Variants in SLC39A11 observed in about 807,000 individuals in gnomAD.
The protein encoded by SLC39A11 is zinc transporter ZIP11.
In SLC39A11, 33 loss-of-function variants were observed where a neutral mutation model predicts 36.1. The ratio of observed to expected loss-of-function variants is 0.91; its 90% confidence interval spans 0.69 to 1.22. The LOEUF (loss-of-function observed/expected upper bound fraction) is 1.22. Ranked by LOEUF, SLC39A11 falls within the 50% of genes most tolerant of loss-of-function variation. The pLI is 0.00. For missense variants in SLC39A11, 432 were observed against 430.3 expected (o/e 1.00, Z -0.03); for synonymous variants, 166 against 170.3 (o/e 0.97, Z 0.20).
intron 6 of SLC39A11, among the ~76,000 whole-genome samples, chr17:72,790,920 C>T (rs1413837080): frequency 1.3e-5 from 2 of 152,176 alleles, no homozygotes; most frequent in South Asian, 2.1e-4. Context: ...AGCTTCAAGG[C>T]AAATGGTGAG....
chr17:72,867,764 A>G (rs935212968), intron 5 of SLC39A11, among the ~76,000 whole-genome samples: 10 of 100,258 alleles, frequency 1.0e-4, no homozygotes, highest in African/African-American at 2.6e-4. Context: ...GCGCGCGCAC[A>G]CACACACACA....
At chr17:72,925,355 A>C (rs1188152830) in intron 5 of SLC39A11, among the ~76,000 whole-genome samples, 2 of 152,168 alleles carry the variant, frequency 1.3e-5, no homozygotes, top group Non-Finnish European at 2.9e-5. Flanking sequence ...TCAGAAATGA[A>C]TTTATGTCGT....
intron 3 of SLC39A11, among the ~76,000 whole-genome samples, chr17:73,081,918 T>A (rs974326607): frequency 6.6e-6 from 1 of 150,804 alleles, no homozygotes; most frequent in Non-Finnish European, 1.5e-5. Flanking sequence ...GGAGCTAAGC[T>A]AGGCATAAGA....
intron 5 of SLC39A11, among the ~76,000 whole-genome samples, chr17:72,872,601 G>C (rs745467644): frequency 7.2e-5 from 11 of 152,334 alleles, no homozygotes; most frequent in Non-Finnish European, 1.5e-4. Flanking sequence ...CTCATAAGCT[G>C]TCATCCCTGG....
intron 6 of SLC39A11, among the ~76,000 whole-genome samples, chr17:72,737,275 CAA>C (rs35677260): frequency 7.6e-5 from 11 of 145,076 alleles, no homozygotes; most frequent in African/African-American, 7.8e-5. Context: ...GACTCTGTCT[CAA>C]AAAAAAAAAA....
chr17:72,774,067 G>A (rs962686027), intron 6 of SLC39A11, among the ~76,000 whole-genome samples: 7 of 152,302 alleles, frequency 4.6e-5, no homozygotes, highest in African/African-American at 1.2e-4. Context: ...CTGGGCCTCC[G>A]TGTCTCTCTG....
intron 7 of SLC39A11, among the ~76,000 whole-genome samples, chr17:72,730,536 G>A (rs1195347226): frequency 1.3e-5 from 2 of 152,108 alleles, no homozygotes; most frequent in Non-Finnish European, 2.9e-5. Flanking sequence ...ACCATCTGAC[G>A]GCTGAATTAT....
chr17:72,717,146 A>G (rs1395362438), intron 7 of SLC39A11, among the ~76,000 whole-genome samples: 3 of 147,918 alleles, frequency 2.0e-5, no homozygotes, highest in African/African-American at 7.4e-5. Context: ...ATATGTGTAT[A>G]TATATGTATA....
intron 3 of SLC39A11, among the ~76,000 whole-genome samples, chr17:73,070,571 G>A (rs969293309): frequency 6.6e-6 from 1 of 152,114 alleles, no homozygotes; most frequent in Admixed American, 6.5e-5. Context: ...ATTAGAACAG[G>A]GGTTCCCGGC....
At chr17:72,774,235 C>T (rs1414006341) in intron 6 of SLC39A11, among the ~76,000 whole-genome samples, 2 of 152,196 alleles carry the variant, frequency 1.3e-5, no homozygotes, top group Admixed American at 1.3e-4. Context: ...CAGACAGGCT[C>T]ATGGCCCTTG....
intron 6 of SLC39A11, among the ~76,000 whole-genome samples, chr17:72,740,353 C>T (rs531169705): frequency 2.0e-5 from 3 of 152,258 alleles, no homozygotes; most frequent in South Asian, 2.1e-4. Context: ...GCGTAAGCCA[C>T]CGCGCCCGGC....
At chr17:73,068,141 T>A in intron 3 of SLC39A11, 1 of 1,325,110 alleles carries the variant, frequency 7.5e-7, no homozygotes, top group Non-Finnish European at 1.1e-6. Flanking sequence ...TTTCTTGGTG[T>A]CGCCAGCAGG....
At chr17:72,930,011 T>C (rs1452738580) in intron 5 of SLC39A11, among the ~76,000 whole-genome samples, 4 of 152,232 alleles carry the variant, frequency 2.6e-5, no homozygotes, top group Non-Finnish European at 5.9e-5. Flanking sequence ...ACAGAACTTC[T>C]GTAGCCCCTT....
chr17:72,777,847 GTGTA>G (rs1442825892), intron 6 of SLC39A11, among the ~76,000 whole-genome samples: 1 of 140,352 alleles, frequency 7.1e-6, no homozygotes, highest in Non-Finnish European at 1.6e-5. Context: ...CGTACACTGT[GTGTA>G]TGTATGTATG....
intron 6 of SLC39A11, among the ~76,000 whole-genome samples, chr17:72,800,803 G>A (rs183683459): frequency 3.0e-4 from 45 of 152,296 alleles, no homozygotes; most frequent in Admixed American, 2.4e-3. Context: ...AACAGAGTTT[G>A]GGGAAGGGAA....
At chr17:72,858,758 T>C (rs1353344739) in intron 5 of SLC39A11, among the ~76,000 whole-genome samples, 4 of 152,200 alleles carry the variant, frequency 2.6e-5, no homozygotes, top group Admixed American at 6.6e-5. Context: ...TGGTATTGCG[T>C]TCCTGGTTTG....
chr17:72,849,874 A>C (rs1458623748), intron 5 of SLC39A11, 70 bp from the exon 6 acceptor site: 1 of 1,371,832 alleles, frequency 7.3e-7, no homozygotes, highest in Non-Finnish European at 9.7e-7. Flanking sequence ...TTAACTCTCC[A>C]GCAAGCTACA....
Position 72,649,217 on chromosome 17 carries a change from G to C in SLC39A11, c.723C>G (p.Val241=), listed in dbSNP as rs146582196. The part of the protein sequence containing the change: ...GIQNFPEGLA[V]SLPLRGAGFS... ...AGCCTGCCCCTCGCAAGGGAAGGCT[G>C]ACAGCCAGGCCCTCGGGGAAATTCT... The change falls in exon 8 of 10, where the codon GTC becomes GTG. Residue 241 remains valine, a synonymous_variant. Transcript: ENST00000255559. 2.2e-5 allele frequency: 36 copies of C among 1,614,130 alleles called. No homozygotes were observed. Among genetic ancestry groups the C allele is most frequent in the Non-Finnish European group, 2.8e-5 (33 of 1,180,036 alleles).
Position 73,088,709 on chromosome 17 carries a change from C to G in SLC39A11, c.56G>C (p.Trp19Ser). The change falls in exon 2 of 10, where the codon TGG (tryptophan) becomes TCG (serine). Residue 19 changes from tryptophan to serine, a missense_variant. Trp to Ser is a radical substitution (Grantham distance 177). Coordinates refer to ENST00000255559, the MANE Select transcript of SLC39A11 (RefSeq NM_139177.4). ...FQALLGTFFT[W>S]GMTAAGAALV... Reference sequence around the variant, plus strand: ...AGCTGCCCCAGCTGCTGTCATCCCCCAGGTGAAGAAGGTCCCCAGCAAGGC... The same window carrying G: ...AGCTGCCCCAGCTGCTGTCATCCCCGAGGTGAAGAAGGTCCCCAGCAAGGC... 6.2e-7 allele frequency: 1 copy of G among 1,612,702 alleles called. No individual in the cohort carries two copies. Among genetic ancestry groups the G allele is most frequent in the Non-Finnish European group, 8.5e-7 (1 of 1,179,440 alleles).
Sources: gnomAD v4.1 joint callset for allele counts (sites outside exome capture counted in the v4.1 genomes callset) on GRCh38, gnomAD v4.1.1 for gene constraint, MANE v1.5 for transcripts, NCBI Gene and HGNC (gene_info 2026-07-23, HGNC 2026-07-21) for gene names.